ADGRB3: variants seen among roughly 807,000 people sequenced by gnomAD.
The protein encoded by ADGRB3 is brain-specific angiogenesis inhibitor 3.
Under a neutral mutation model 193.4 loss-of-function variants are expected in ADGRB3, and 37 were observed. The ratio of observed to expected loss-of-function variants is 0.19; its 90% CI spans 0.15 to 0.25. The LOEUF (loss-of-function observed/expected upper bound fraction) is 0.25, where lower values mean the gene tolerates loss of function less well. Ranked by LOEUF, ADGRB3 falls within the 10% of genes least tolerant of loss-of-function variation. The pLI is 1.00. For synonymous variants in ADGRB3, 690 were observed against 644.2 expected, an observed-to-expected ratio of 1.07 and a Z score of -1.08; for missense variants, 1,637 against 1,852.9, an observed-to-expected ratio of 0.88 and a Z score of 2.14.
intron 12 of ADGRB3, among the ~76,000 whole-genome samples, chr6:69,016,758 G>T (rs927878615): frequency 6.6e-6 from 1 of 151,822 alleles, no homozygotes; most frequent in African/African-American, 2.4e-5. Context: ...GCATTGCAAA[G>T]AGAAAAAGTG....
intron 21 of ADGRB3, among the ~76,000 whole-genome samples, chr6:69,327,603 G>A (rs978786613): frequency 6.6e-6 from 1 of 152,078 alleles, no homozygotes; most frequent in Admixed American, 6.6e-5. Flanking sequence ...TGGTAACCTA[G>A]CAACACCAGA....
chr6:69,059,011 C>G (rs927240569), intron 15 of ADGRB3, among the ~76,000 whole-genome samples: 1 of 151,866 alleles, frequency 6.6e-6, no homozygotes, highest in African/African-American at 2.4e-5. Context: ...AATTTTCTGT[C>G]TAGGTAATCT....
chr6:68,805,450 G>A (rs1239480241), intron 3 of ADGRB3, among the ~76,000 whole-genome samples: 1 of 152,124 alleles, frequency 6.6e-6, no homozygotes, highest in Non-Finnish European at 1.5e-5. Context: ...ATCCTGCTTA[G>A]TGAATAAAAT....
chr6:69,013,837 C>T (rs1374918443), intron 11 of ADGRB3, among the ~76,000 whole-genome samples: 1 of 151,848 alleles, frequency 6.6e-6, no homozygotes, highest in Non-Finnish European at 1.5e-5. Flanking sequence ...TCTGAGAGTA[C>T]AAAAATGAAG....
At chr6:69,169,625 G>A (rs964200551) in intron 17 of ADGRB3, among the ~76,000 whole-genome samples, 17 of 151,254 alleles carry the variant, frequency 1.1e-4, no homozygotes, top group African/African-American at 3.9e-4. Context: ...AAATACCATA[G>A]GTATTGAGAA....
chr6:69,337,538 G>A (rs1446393145), intron 24 of ADGRB3, among the ~76,000 whole-genome samples: 1 of 152,170 alleles, frequency 6.6e-6, no homozygotes, highest in Non-Finnish European at 1.5e-5. Context: ...ACATCGGCGT[G>A]TCCAATAAGG....
intron 3 of ADGRB3, among the ~76,000 whole-genome samples, chr6:68,657,159 G>T (rs1195210888): frequency 6.6e-6 from 1 of 151,296 alleles, no homozygotes; most frequent in Non-Finnish European, 1.5e-5. Flanking sequence ...CATCCTTTCT[G>T]TCCTTGTGTT....
At chr6:68,800,142 G>A (rs1767284373) in intron 3 of ADGRB3, among the ~76,000 whole-genome samples, 1 of 152,114 alleles carries the variant, frequency 6.6e-6, no homozygotes, top group Non-Finnish European at 1.5e-5. Flanking sequence ...GGAAGATAGT[G>A]AGGAATTGAA....
rs556040808 is a variant in ADGRB3, at chr6:68,739,890, T to A, written c.757+100458T>A. The stretch of plus-strand genomic sequence containing the variant: ...ACTTGTTTGGTTTTAATTAACTTTC[T>A]ATGTTTTTGTTTAACTTTGTGTACT... On this transcript the variant is annotated intron_variant, in intron 3 of 31. Coordinates refer to ENST00000370598, the MANE Select transcript of ADGRB3 (RefSeq NM_001704.3). 3.9e-5 allele frequency among the ~76,000 whole-genome samples: 6 copies of A among 152,304 alleles called. No individual in the cohort carries two copies. The South Asian group carries it at 1.2e-3, about 32-fold the overall frequency.
At chr6:69,117,690 C>T (rs1404831613) in intron 17 of ADGRB3, among the ~76,000 whole-genome samples, 1 of 152,116 alleles carries the variant, frequency 6.6e-6, no homozygotes, top group Admixed American at 6.5e-5. Context: ...AGGCACCAGG[C>T]TCTAAACCCA....
At chr6:69,000,512 A>T (rs181281256) in intron 11 of ADGRB3, among the ~76,000 whole-genome samples, 2 of 152,184 alleles carry the variant, frequency 1.3e-5, no homozygotes, top group African/African-American at 2.4e-5. Flanking sequence ...AAGGTATAGG[A>T]TAACTTTGTT....
chr6:69,081,714 A>G (rs1423789852), intron 17 of ADGRB3, among the ~76,000 whole-genome samples: 1 of 152,054 alleles, frequency 6.6e-6, no homozygotes, highest in Non-Finnish European at 1.5e-5. Flanking sequence ...TTTAAGTTAC[A>G]TCATAGATTT....
chr6:69,131,652 G>A (rs1166063089), intron 17 of ADGRB3, among the ~76,000 whole-genome samples: 4 of 151,698 alleles, frequency 2.6e-5, no homozygotes, highest in African/African-American at 9.7e-5. Context: ...AATACTTTAA[G>A]TTCTGGGATA....
At chr6:68,936,901 A>G (rs1211022896) in intron 5 of ADGRB3, among the ~76,000 whole-genome samples, 1 of 152,256 alleles carries the variant, frequency 6.6e-6, no homozygotes, top group African/African-American at 2.4e-5. Flanking sequence ...CACTGCAAAT[A>G]TCAGTTTCTA....
intron 13 of ADGRB3, among the ~76,000 whole-genome samples, chr6:69,024,648 G>A (rs1770372907): frequency 6.6e-6 from 1 of 152,248 alleles, no homozygotes; most frequent in East Asian, 1.9e-4. Context: ...AAGTTCTGCT[G>A]ATATATAAAC....
At chr6:69,213,635 T>C (rs1765713319) in intron 17 of ADGRB3, among the ~76,000 whole-genome samples, 1 of 152,230 alleles carries the variant, frequency 6.6e-6, no homozygotes, top group Admixed American at 6.5e-5. Flanking sequence ...ACATGCGTTT[T>C]ACTTGATACA....
At chr6:69,333,147 T>A in intron 24 of ADGRB3, 139 bp downstream of exon 24, 7 of 963,940 alleles carry the variant, frequency 7.3e-6, no homozygotes, top group Non-Finnish European at 1.0e-5. Context: ...TTCTGCTATA[T>A]AAAAGTTTCC....
chr6:68,764,150 C>T (rs1216749700), intron 3 of ADGRB3, among the ~76,000 whole-genome samples: 2 of 152,132 alleles, frequency 1.3e-5, no homozygotes, highest in African/African-American at 4.8e-5. Context: ...CACAATTACT[C>T]TCTCATGCGA....
intron 3 of ADGRB3, among the ~76,000 whole-genome samples, chr6:68,904,866 T>C (rs569362293): frequency 6.6e-6 from 1 of 152,168 alleles, no homozygotes; most frequent in Non-Finnish European, 1.5e-5. Flanking sequence ...AAACACCCAA[T>C]CTAATGAAGC....
Sources: allele counts gnomAD v4.1 joint callset (sites outside exome capture counted in the v4.1 genomes callset), GRCh38; gene constraint gnomAD v4.1.1; transcripts MANE v1.5; gene names NCBI Gene and HGNC (gene_info 2026-07-23, HGNC 2026-07-21).